Variants in PDE4D observed in about 807,000 individuals in gnomAD.
PDE4D encodes 3',5'-cyclic-AMP phosphodiesterase 4D.
PDE4D carries 24 observed loss-of-function variants against 87.4 expected under a neutral mutation model. The observed-to-expected ratio is 0.27, with a 90% confidence interval of 0.20 to 0.39. The LOEUF (loss-of-function observed/expected upper bound fraction) is 0.39, where lower values mean the gene tolerates loss of function less well. PDE4D is among the 10% of genes least tolerant of loss of function. The probability of loss-of-function intolerance (pLI) is 1.00; values close to 1 mark genes in which losing one functional copy is unlikely to be tolerated. For synonymous variants in PDE4D, 384 were observed against 383.2 expected (o/e 1.00, Z -0.02); for missense variants, 714 against 1,041.0 (o/e 0.69, Z 4.32).
Position 59,067,925 on chromosome 5 carries a change from T to C in PDE4D, c.809-28954A>G, listed in dbSNP as rs567453492. Among the ~76,000 whole-genome samples, 16 of 152,318 alleles carry C rather than the reference T, an allele frequency of 1.1e-4. No homozygotes were observed. The East Asian group carries it at 2.9e-3, about 27-fold the overall frequency. ...ATGTATTAATTAAGTAGGTAAAATA[T>C]TGCATATATTAAAAGGTACTTGGAG... On this transcript the variant is annotated intron_variant, in intron 5 of 14. Transcript: ENST00000340635.
chr5:59,799,538 A>T (rs1418634269), intron 1 of PDE4D, among the ~76,000 whole-genome samples: 1 of 152,204 alleles, frequency 6.6e-6, no homozygotes, highest in African/African-American at 2.4e-5. Flanking sequence ...TGGAAGAATC[A>T]GCAGTCATGG....
intron 1 of PDE4D, among the ~76,000 whole-genome samples, chr5:59,672,016 C>T (rs747252820): frequency 2.0e-5 from 3 of 151,940 alleles, no homozygotes; most frequent in Non-Finnish European, 2.9e-5. Context: ...CTGAGTTGCT[C>T]GATAACTCTA....
chr5:59,465,013 C>T (rs1486239336), intron 1 of PDE4D, among the ~76,000 whole-genome samples: 1 of 152,180 alleles, frequency 6.6e-6, no homozygotes, highest in African/African-American at 2.4e-5. Flanking sequence ...TGCACTGAAT[C>T]ACACACATCC....
chr5:59,169,842 C>A (rs1304963836), intron 5 of PDE4D, among the ~76,000 whole-genome samples: 1 of 152,150 alleles, frequency 6.6e-6, no homozygotes, highest in Non-Finnish European at 1.5e-5. Context: ...AGATCCTGAG[C>A]CTTATCCTAG....
chr5:60,461,631 G>C (rs1746952890), intron 1 of PDE4D, among the ~76,000 whole-genome samples: 1 of 152,200 alleles, frequency 6.6e-6, no homozygotes, highest in South Asian at 2.1e-4. Context: ...AGAGGGAATG[G>C]CTGAGCAAAC....
intron 6 of PDE4D, among the ~76,000 whole-genome samples, chr5:59,037,263 T>G (rs1036780489): frequency 6.6e-6 from 1 of 152,168 alleles, no homozygotes; most frequent in African/African-American, 2.4e-5. Context: ...TCGAATCACC[T>G]TGAAAATATA....
At chr5:60,166,771 T>C (rs530059880) in intron 2 of PDE4D, among the ~76,000 whole-genome samples, 1 of 152,326 alleles carries the variant, frequency 6.6e-6, no homozygotes, top group East Asian at 1.9e-4. Context: ...CTTCAGCTTT[T>C]GATTTTCTGG....
At chr5:60,443,569 G>A (rs1745409490) in intron 1 of PDE4D, among the ~76,000 whole-genome samples, 1 of 152,122 alleles carries the variant, frequency 6.6e-6, no homozygotes, top group African/African-American at 2.4e-5. Context: ...TATGTCAGAT[G>A]AACTTAACAT....
chr5:59,913,048 G>C (rs763357374), intron 3 of PDE4D, among the ~76,000 whole-genome samples: 5 of 152,216 alleles, frequency 3.3e-5, no homozygotes, highest in Non-Finnish European at 5.9e-5. Context: ...CAATAGGCTA[G>C]TGTGGCAGCC....
intron 1 of PDE4D, chr5:59,275,309 G>T (rs1429984396): frequency 2.6e-6 from 4 of 1,557,804 alleles, no homozygotes; most frequent in Non-Finnish European, 3.5e-6. Context: ...AAGAGAAAAG[G>T]GGAAAAGCAT....
chr5:60,173,078 G>A (rs780300228), intron 2 of PDE4D, among the ~76,000 whole-genome samples: 2 of 152,038 alleles, frequency 1.3e-5, no homozygotes, highest in Non-Finnish European at 2.9e-5. Flanking sequence ...ATAGATAATT[G>A]ACTATAAATA....
intron 6 of PDE4D, among the ~76,000 whole-genome samples, chr5:59,004,999 T>C (rs908712495): frequency 3.9e-5 from 6 of 152,216 alleles, no homozygotes; most frequent in African/African-American, 1.4e-4. Context: ...TTTCTCAAGG[T>C]AGTGTACTAT....
intron 1 of PDE4D, among the ~76,000 whole-genome samples, chr5:60,323,039 T>G (rs1404271651): frequency 6.6e-6 from 1 of 152,252 alleles, no homozygotes; most frequent in African/African-American, 2.4e-5. Flanking sequence ...CTCTGTAGGT[T>G]GATCTTCGTT....
At chr5:59,567,388 T>C (rs142120419) in intron 1 of PDE4D, among the ~76,000 whole-genome samples, 1 of 152,310 alleles carries the variant, frequency 6.6e-6, no homozygotes, top group Non-Finnish European at 1.5e-5. Context: ...CAGAGATTTA[T>C]AGGTAAAGAA....
chr5:59,747,485 A>G (rs934194654), intron 1 of PDE4D, among the ~76,000 whole-genome samples: 2 of 152,128 alleles, frequency 1.3e-5, no homozygotes, highest in African/African-American at 4.8e-5. Flanking sequence ...TTGAATTTGT[A>G]ACTACTGGCC....
chr5:60,326,836 C>T (rs751426085), intron 1 of PDE4D, among the ~76,000 whole-genome samples: 2 of 152,078 alleles, frequency 1.3e-5, no homozygotes, highest in Non-Finnish European at 2.9e-5. Context: ...TTTTTAAAGT[C>T]GTTCAAGTTT....
intron 1 of PDE4D, among the ~76,000 whole-genome samples, chr5:59,610,698 G>A (rs528595478): frequency 6.6e-6 from 1 of 152,256 alleles, no homozygotes; most frequent in Admixed American, 6.5e-5. Flanking sequence ...CTTTGGATGG[G>A]ATCATGCCTC....
At chr5:59,555,560 A>G (rs1000866822) in intron 1 of PDE4D, among the ~76,000 whole-genome samples, 1 of 152,144 alleles carries the variant, frequency 6.6e-6, no homozygotes, top group African/African-American at 2.4e-5. Flanking sequence ...CTGTTTGTGG[A>G]AAAACAGCAA....
rs927706868 is a variant in PDE4D, at chr5:60,349,845, T to C, written c.-90+138097A>G. Among the ~76,000 whole-genome samples the C allele has an allele frequency of 4.6e-5, 7 of 152,240 alleles. No individual in the cohort carries two copies. In the East Asian group the frequency reaches 1.2e-3, roughly 25 times the overall value. On this transcript the variant is annotated intron_variant, in intron 1 of 16. Coordinates refer to the PDE4D transcript ENST00000502484. ...TTTTTAAGGGTGGCAAAAATATACA[T>C]GCATGTATCAGTACATGTTTTGAGA...
Sources: gnomAD v4.1 joint callset for allele counts (sites outside exome capture counted in the v4.1 genomes callset) on GRCh38, gnomAD v4.1.1 for gene constraint, MANE v1.5 for transcripts, NCBI Gene and HGNC (gene_info 2026-07-23, HGNC 2026-07-21) for gene names.